The following SCN3A variants were observed in gnomAD, a reference collection of about 807,000 sequenced individuals.
The protein encoded by SCN3A is sodium voltage-gated channel alpha subunit 3.
In SCN3A, 60 loss-of-function variants were observed where a neutral mutation model predicts 187.6. The ratio of observed to expected loss-of-function variants is 0.32; its 90% CI spans 0.26 to 0.40. The LOEUF is 0.40. Ranked by LOEUF, SCN3A falls within the 10% of genes least tolerant of loss-of-function variation. The probability of loss-of-function intolerance (pLI) is 1.00; values close to 1 mark genes in which losing one functional copy is unlikely to be tolerated. For missense variants in SCN3A, 1,601 were observed against 2,428.2 expected (o/e 0.66, Z 7.16); for synonymous variants, 788 against 829.2 (o/e 0.95, Z 0.85).
At chr2:165,105,715 C>T (rs1311300097) in intron 21 of SCN3A, among the ~76,000 whole-genome samples, 1 of 151,920 alleles carries the variant, frequency 6.6e-6, no homozygotes, top group Non-Finnish European at 1.5e-5. Flanking sequence ...AATGGAAGTC[C>T]AGACTGGGAG....
intron 3 of SCN3A, among the ~76,000 whole-genome samples, chr2:165,173,673 C>T (rs1055558850): frequency 6.6e-6 from 1 of 151,990 alleles, no homozygotes; most frequent in Non-Finnish European, 1.5e-5. Flanking sequence ...TTTTAAATGC[C>T]TTTTACTTGT....
intron 18 of SCN3A, among the ~76,000 whole-genome samples, chr2:165,118,601 C>T (rs919349623): frequency 1.3e-5 from 2 of 151,484 alleles, no homozygotes; most frequent in African/African-American, 2.4e-5. Context: ...TTTTTTTCCC[C>T]CTTGGGACAG....
chr2:165,114,803 G>A (rs759608311), intron 19 of SCN3A, among the ~76,000 whole-genome samples: 6 of 152,150 alleles, frequency 3.9e-5, no homozygotes, highest in Non-Finnish European at 8.8e-5. Context: ...TTGCCAAGGA[G>A]TTCTGAAGGG....
chr2:165,123,525 G>A (rs1228784785), intron 18 of SCN3A, among the ~76,000 whole-genome samples: 1 of 152,102 alleles, frequency 6.6e-6, no homozygotes, highest in East Asian at 1.9e-4. Flanking sequence ...AGTGAAAAAT[G>A]TATAACTCTG....
Position 165,154,548 on chromosome 2 carries a change from C to T in SCN3A, c.1284G>A (p.Glu428=). Residue 428 remains glutamate (E), a synonymous_variant, in exon 11 of 28, where the codon GAG becomes GAA. Coordinates refer to ENST00000283254, the MANE Select transcript of SCN3A (RefSeq NM_006922.4). The part of the protein sequence containing the change: ...LILAVVAMAY[E]EQNQATLEEA... ...CTTCCAAGGTGGCCTGATTCTGCTC[C>T]TCATAGGCCATGGCCACCACAGCCA... The T allele has an allele frequency of 1.7e-5, 27 of 1,614,086 alleles. No homozygotes were observed. The highest frequency in any genetic ancestry group is 5.5e-5 in the South Asian group (5 of 91,078).
At chr2:165,167,040 C>T (rs1689810051) in intron 5 of SCN3A, among the ~76,000 whole-genome samples, 2 of 152,118 alleles carry the variant, frequency 1.3e-5, no homozygotes, top group South Asian at 4.1e-4. Context: ...GCTGGGACTA[C>T]AGGTGCTTGC....
intron 5 of SCN3A, among the ~76,000 whole-genome samples, chr2:165,167,724 G>A (rs1400438200): frequency 6.6e-6 from 1 of 152,064 alleles, no homozygotes; most frequent in Non-Finnish European, 1.5e-5. Flanking sequence ...TTCATGCACA[G>A]TTTTCCCCAG....
chr2:165,162,610 A>C lies in SCN3A; in HGVS notation c.913T>G (p.Phe305Val). 1 of 1,614,174 alleles carries C rather than the reference A, an allele frequency of 6.2e-7. No homozygotes were observed. The highest frequency in any genetic ancestry group is 8.5e-7 in the Non-Finnish European group (1 of 1,180,020). Residue 305 changes from phenylalanine to valine, a missense_variant, in exon 8 of 28, where the codon TTT becomes GTT. This residue lies in a region of SCN3A where 104 missense variants were observed against 102.7 expected (regional missense o/e 1.01). Transcript: ENST00000283254. ...AATGTGCTCATTGTTACATTAACAA[A>C]TGTCCCATTTGAATCCATTGTGCCA... is the stretch of plus-strand genomic sequence containing the variant. The part of the protein sequence containing the change: ...FNGTMDSNGT[F>V]VNVTMSTFNW...
chr2:165,191,366 C>T (rs1341621313), intron 1 of SCN3A, among the ~76,000 whole-genome samples: 1 of 151,984 alleles, frequency 6.6e-6, no homozygotes, highest in Non-Finnish European at 1.5e-5. Flanking sequence ...TGCTCAGAAG[C>T]CCCCAGAAGC....
chr2:165,135,637 CAT>C (rs941857507), intron 15 of SCN3A, among the ~76,000 whole-genome samples: 2 of 151,954 alleles, frequency 1.3e-5, no homozygotes, highest in African/African-American at 4.8e-5. Flanking sequence ...ATATATTAAA[CAT>C]ATGTATTACT....
chr2:165,191,853 G>A (rs1691634984), intron 1 of SCN3A, among the ~76,000 whole-genome samples: 1 of 151,968 alleles, frequency 6.6e-6, no homozygotes, highest in Non-Finnish European at 1.5e-5. Flanking sequence ...AACAGTACAC[G>A]CACATAGTAG....
intron 15 of SCN3A, among the ~76,000 whole-genome samples, chr2:165,135,460 G>A (rs192227336): frequency 6.6e-6 from 1 of 152,164 alleles, no homozygotes; most frequent in East Asian, 1.9e-4. Flanking sequence ...AATTTGAGCA[G>A]TAATAAACTA....
At chr2:165,179,857 T>G (rs558928541) in intron 2 of SCN3A, among the ~76,000 whole-genome samples, 103 of 152,184 alleles carry the variant, frequency 6.8e-4, no homozygotes, top group Non-Finnish European at 1.1e-3. Flanking sequence ...TTGTACTCTG[T>G]GAGCTTATTA....
At chr2:165,091,497 G>T in intron 27 of SCN3A, 152 bp from the exon 28 acceptor site, 1 of 1,054,204 alleles carries the variant, frequency 9.5e-7, no homozygotes, top group Non-Finnish European at 1.4e-6. Flanking sequence ...AGCAATTACA[G>T]ATTACAGAGT....
At chr2:165,137,802 G>T in intron 15 of SCN3A, 77 bp downstream of exon 15, 1 of 1,148,744 alleles carries the variant, frequency 8.7e-7, no homozygotes, top group Non-Finnish European at 1.3e-6. Flanking sequence ...GTTCAACACA[G>T]CACAAATACA....
At chr2:165,145,592 G>A (rs1688269629) in intron 12 of SCN3A, among the ~76,000 whole-genome samples, 1 of 151,900 alleles carries the variant, frequency 6.6e-6, no homozygotes, top group South Asian at 2.1e-4. Context: ...ATTAAAGATA[G>A]ATTATAAAAC....
intron 18 of SCN3A, among the ~76,000 whole-genome samples, chr2:165,116,199 T>A (rs1686360740): frequency 6.6e-6 from 1 of 152,222 alleles, no homozygotes; most frequent in South Asian, 2.1e-4. Context: ...TTTTTTGAAC[T>A]GCATAACTGA....
rs541728999 is a variant in SCN3A at position 165,175,655 on chromosome 2, A to G, written c.264+476T>C. On this transcript the variant is annotated intron_variant, in intron 3 of 27. Transcript: ENST00000283254. ...AATCTCTGGGTGAACATGCTTCTTC[A>G]TGTATTGTCTGGCTACAGGAGGATG... 2.0e-5 allele frequency among the ~76,000 whole-genome samples: 3 copies of G among 152,246 alleles called. No homozygotes were observed. In the South Asian group the frequency reaches 6.2e-4, roughly 32 times the overall value.
chr2:165,200,767 G>A (rs911300657), intron 1 of SCN3A, among the ~76,000 whole-genome samples: 2 of 152,018 alleles, frequency 1.3e-5, no homozygotes, highest in Non-Finnish European at 2.9e-5. Flanking sequence ...GGTGCTGAAA[G>A]GTCATCCAAG....
Sources: gnomAD v4.1 joint callset for allele counts (sites outside exome capture counted in the v4.1 genomes callset) on GRCh38, gnomAD v4.1.1 for gene constraint, gnomAD v4.1.1 regional missense constraint, MANE v1.5 for transcripts, NCBI Gene and HGNC (gene_info 2026-07-23, HGNC 2026-07-21) for gene names.